The following TES variants were observed in gnomAD, a reference collection of about 807,000 sequenced individuals.
TES encodes testin LIM domain protein.
Under a neutral mutation model 48.2 loss-of-function variants are expected in TES, and 41 were observed. The ratio of observed to expected loss-of-function variants is 0.85; its 90% CI spans 0.66 to 1.10. The LOEUF (loss-of-function observed/expected upper bound fraction) is 1.10, where lower values mean the gene tolerates loss of function less well. TES is among the 50% of genes least tolerant of loss of function. The pLI, the probability that TES is intolerant of heterozygous loss-of-function variation, is 0.00. For missense variants in TES, 463 were observed against 515.1 expected, an observed-to-expected ratio of 0.90 and a Z score of 0.98; for synonymous variants, 162 against 174.9, an observed-to-expected ratio of 0.93 and a Z score of 0.58.
At chr7:116,219,838 T>C (rs925331497) in intron 1 of TES, among the ~76,000 whole-genome samples, 1 of 152,192 alleles carries the variant, frequency 6.6e-6, no homozygotes, top group Non-Finnish European at 1.5e-5. Context: ...TTCTGTATGG[T>C]ATCAGACTAC....
At chr7:116,252,616 A>C (rs1441229872) in intron 6 of TES, 140 bp downstream of exon 6, 1 of 1,222,704 alleles carries the variant, frequency 8.2e-7, no homozygotes, top group Non-Finnish European at 1.2e-6. Flanking sequence ...ACAGGGTGTT[A>C]AAATCAAGGC....
chr7:116,223,567 G>A (rs993554161), intron 1 of TES, among the ~76,000 whole-genome samples: 13 of 152,220 alleles, frequency 8.5e-5, no homozygotes, highest in African/African-American at 3.1e-4. Flanking sequence ...GTGTACCCAA[G>A]TGTGTGTAAC....
intron 1 of TES, among the ~76,000 whole-genome samples, chr7:116,223,690 A>G (rs550700753): frequency 2.0e-5 from 3 of 152,214 alleles, no homozygotes; most frequent in Non-Finnish European, 4.4e-5. Flanking sequence ...ATTGAAGGGA[A>G]TAAGTATTAA....
At chr7:116,225,540 C>T (rs967950808) in intron 1 of TES, among the ~76,000 whole-genome samples, 1 of 152,124 alleles carries the variant, frequency 6.6e-6, no homozygotes, top group East Asian at 1.9e-4. Context: ...ACATAATAGT[C>T]TATGTGATTA....
At chr7:116,233,826 T>C (rs1228819699) in intron 1 of TES, among the ~76,000 whole-genome samples, 2 of 152,316 alleles carry the variant, frequency 1.3e-5, no homozygotes, top group African/African-American at 4.8e-5. Flanking sequence ...GCTTCCAAGA[T>C]GGCACCTTGT....
At chr7:116,252,272 T>G in intron 5 of TES, 46 bp from the exon 6 acceptor site, 1 of 1,548,422 alleles carries the variant, frequency 6.5e-7, no homozygotes, top group Non-Finnish European at 8.8e-7. Flanking sequence ...CAGATATAAA[T>G]CTCTTATTAT....
At chr7:116,252,186 T>TA in intron 5 of TES, 132 bp from the exon 6 acceptor site, 1 of 1,090,944 alleles carries the variant, frequency 9.2e-7, no homozygotes, top group Non-Finnish European at 1.3e-6. Context: ...TGATTTAGAC[T>TA]AAACTAAGTG....
chr7:116,245,189 C>A (rs773518014), intron 2 of TES, among the ~76,000 whole-genome samples: 1 of 152,186 alleles, frequency 6.6e-6, no homozygotes. Context: ...TTGAATCCCT[C>A]CCCAGAAAAT....
chr7:116,214,284 T>C (rs779438142), intron 1 of TES, among the ~76,000 whole-genome samples: 14 of 152,144 alleles, frequency 9.2e-5, no homozygotes, highest in Non-Finnish European at 1.8e-4. Flanking sequence ...ACCAAATGAA[T>C]ACTATTGGAA....
intron 6 of TES, among the ~76,000 whole-genome samples, chr7:116,254,756 A>AGGTGTG (rs1800071460): frequency 7.0e-6 from 1 of 143,174 alleles, no homozygotes; most frequent in Non-Finnish European, 1.5e-5. Flanking sequence ...AAATATATAT[A>AGGTGTG]TATGTGTGTG....
chr7:116,239,527 C>T (rs1164030998), intron 2 of TES, among the ~76,000 whole-genome samples: 3 of 152,200 alleles, frequency 2.0e-5, no homozygotes, highest in Non-Finnish European at 2.9e-5. Context: ...GATGGCAGAG[C>T]TGAATTTGAA....
intron 1 of TES, chr7:116,223,023 A>G (rs893808890): frequency 3.1e-6 from 3 of 983,298 alleles, no homozygotes; most frequent in East Asian, 1.1e-4. Flanking sequence ...GAGGTATTCT[A>G]TTGGTAAGCA....
intron 1 of TES, among the ~76,000 whole-genome samples, chr7:116,213,820 C>A (rs930898575): frequency 2.0e-5 from 3 of 152,098 alleles, no homozygotes; most frequent in Admixed American, 1.3e-4. Context: ...TAAGTCTCAT[C>A]TTAATTGGCT....
At chr7:116,243,790 G>A (rs1269957672) in intron 2 of TES, 2 of 152,156 alleles carry the variant, frequency 1.3e-5, no homozygotes, top group Non-Finnish European at 2.9e-5. Context: ...AGTTAGTCAA[G>A]ACATACCCAA....
Position 116,251,839 on chromosome 7 carries a change from G to A in TES, c.782G>A (p.Trp261Ter), listed in dbSNP as rs1417093816. Residue 261 changes from tryptophan (W) to a stop codon, truncating the protein, a stop_gained, in exon 5 of 7, where the codon TGG becomes TAG. Coordinates refer to ENST00000358204, the MANE Select transcript of TES (RefSeq NM_015641.4). LOFTEE classifies it high-confidence loss of function. ...YAERAGYDKLWHPACFVCSTC... is the reference protein window; with the variant it reads ...YAERAGYDKL ...GAAAGGGCTGGCTATGATAAACTGTGGCACCCAGCTTGTTTTGTCTGCAGC... is the reference window on the plus strand; with the variant it reads ...GAAAGGGCTGGCTATGATAAACTGTAGCACCCAGCTTGTTTTGTCTGCAGC... The A allele has an allele frequency of 1.9e-6, 3 of 1,614,160 alleles. No individual in the cohort carries two copies. The highest frequency in any genetic ancestry group is 2.5e-6 in the Non-Finnish European group (3 of 1,180,030).
At chr7:116,227,999 C>CTTTTTTTTTTTTTTT (rs67263287) in intron 1 of TES, among the ~76,000 whole-genome samples, 1 of 141,980 alleles carries the variant, frequency 7.0e-6, no homozygotes, top group African/African-American at 2.6e-5. Context: ...GTTCCATAGT[C>CTTTTTTTTTTTTTTT]TTTTTTTTGT....
rs186126692 is a variant in TES at position 116,253,032 on chromosome 7, T to C, written c.1077+556T>C. 5.7e-4 allele frequency among the ~76,000 whole-genome samples: 87 copies of C among 152,356 alleles called. 1 individual carries two copies. The highest frequency in any genetic ancestry group is 1.4e-3 in the Admixed American group (21 of 15,302). On this transcript the variant is annotated intron_variant, in intron 6 of 6. Coordinates refer to ENST00000358204, the MANE Select transcript of TES (RefSeq NM_015641.4). ...AGTATATTTTTTCTTGCATTTACTC[T>C]GCTTACACAGAGCTGCTGTTGTATA... is the stretch of plus-strand genomic sequence containing the variant.
chr7:116,223,710 A>G (rs758537217), intron 1 of TES, among the ~76,000 whole-genome samples: 3 of 152,240 alleles, frequency 2.0e-5, no homozygotes, highest in Non-Finnish European at 4.4e-5. Context: ...ATGAGGAAGG[A>G]ACAAAGTTCT....
At chr7:116,210,845 C>A in intron 1 of TES, 111 bp downstream of exon 1, 1 of 1,009,980 alleles carries the variant, frequency 9.9e-7, no homozygotes, top group Non-Finnish European at 1.3e-6. Context: ...CCGGTGTGAG[C>A]CCGGCTCTGG....
Sources: gnomAD v4.1 joint callset for allele counts (sites outside exome capture counted in the v4.1 genomes callset) on GRCh38, gnomAD v4.1.1 for gene constraint, MANE v1.5 for transcripts, NCBI Gene and HGNC (gene_info 2026-07-23, HGNC 2026-07-21) for gene names.